Variants in WDFY4 observed in about 807,000 individuals in gnomAD.
The protein encoded by WDFY4 is WDFY family member 4, also known as WD repeat- and FYVE domain-containing protein 4.
Under a neutral mutation model 351.9 loss-of-function variants are expected in WDFY4, and 169 were observed. The observed-to-expected ratio is 0.48, with a 90% CI of 0.42 to 0.55. The LOEUF is 0.55. Among genes scored for constraint, WDFY4 ranks in the 20% least tolerant of loss-of-function variants. WDFY4 has a pLI of 0.00. For synonymous variants in WDFY4, 1,622 were observed against 1,574.6 expected, an observed-to-expected ratio of 1.03 and a Z score of -0.71; for missense variants, 3,803 against 3,935.6, an observed-to-expected ratio of 0.97 and a Z score of 0.90.
chr10:48,804,855 G>A (rs11101507), intron 25 of WDFY4: 46,413 of 907,746 alleles, frequency 0.051, 1,769 homozygotes, highest in East Asian at 0.32. Flanking sequence ...GGTTTGGGGC[G>A]GGCAGGAAGA....
intron 13 of WDFY4, among the ~76,000 whole-genome samples, chr10:48,764,425 T>C (rs2132542530): frequency 1.3e-5 from 2 of 152,356 alleles, no homozygotes; most frequent in Middle Eastern, 6.8e-3. Flanking sequence ...CTCAGTTCTT[T>C]TGGAGCTGAG....
Position 48,956,325 on chromosome 10 carries a change from C to T in WDFY4, c.7978-804C>T, listed in dbSNP as rs575856659. On this transcript the variant is annotated intron_variant, in intron 51 of 61. Coordinates refer to ENST00000325239, the MANE Select transcript of WDFY4 (RefSeq NM_001394531.1). ...GACATCATGTCCTTTGTGGACCAGCCTCCTGCCCCTTGAACCTGAAATTTC... is the reference window on the plus strand; with the variant it reads ...GACATCATGTCCTTTGTGGACCAGCTTCCTGCCCCTTGAACCTGAAATTTC... Among the ~76,000 whole-genome samples the T allele has an allele frequency of 7.9e-5, 12 of 152,264 alleles. No homozygotes were observed. In the East Asian group the frequency reaches 1.9e-3, roughly 25 times the overall value.
intron 12 of WDFY4, among the ~76,000 whole-genome samples, chr10:48,751,011 C>T (rs1237146641): frequency 6.6e-6 from 1 of 152,194 alleles, no homozygotes; most frequent in Non-Finnish European, 1.5e-5. Flanking sequence ...GACTCTCGTG[C>T]CTGGTGTCCT....
chr10:48,716,729 G>C (rs1461573676), intron 2 of WDFY4, among the ~76,000 whole-genome samples: 1 of 152,216 alleles, frequency 6.6e-6, no homozygotes, highest in African/African-American at 2.4e-5. Context: ...GCCTCCTGGA[G>C]TCCCACTGCT....
Position 48,760,408 on chromosome 10 carries a change from C to A in WDFY4, c.2521C>A (p.Leu841Met), listed in dbSNP as rs1371714740. ...GGTCGTGTGCATCATGGTGAGGCTG[C>A]TGCCTCGGTTGTACCATGAAGATCA... is the stretch of plus-strand genomic sequence containing the variant. ...PGVVCIMVRL[L>M]PRLYHEDHPQ... Residue 841 changes from leucine (L) to methionine (M), a missense_variant, in exon 13 of 62, where the codon CTG (leucine) becomes ATG (methionine). Transcript: ENST00000325239. 6.4e-7 allele frequency: 1 copy of A among 1,551,550 alleles called. No individual in the cohort carries two copies. The highest frequency in any genetic ancestry group is 8.7e-7 in the Non-Finnish European group (1 of 1,147,002).
chr10:48,951,329 C>G (rs927565950), intron 51 of WDFY4, among the ~76,000 whole-genome samples: 1 of 152,138 alleles, frequency 6.6e-6, no homozygotes, highest in African/African-American at 2.4e-5. Flanking sequence ...TCTGTTTTCC[C>G]CACTTTCTTG....
intron 30 of WDFY4, 77 bp downstream of exon 30, chr10:48,811,785 C>T (rs773821989): frequency 3.7e-5 from 53 of 1,422,954 alleles, no homozygotes; most frequent in Non-Finnish European, 4.8e-5. Context: ...CGCCAAGACC[C>T]TCTGCACTTA....
At chr10:48,798,886 T>A (rs1195952128) in intron 24 of WDFY4, among the ~76,000 whole-genome samples, 1 of 152,212 alleles carries the variant, frequency 6.6e-6, no homozygotes. Flanking sequence ...TGGTCCTGGA[T>A]CTGAAGCTGG....
At chr10:48,752,690 A>G (rs1421196651) in intron 12 of WDFY4, among the ~76,000 whole-genome samples, 1 of 152,256 alleles carries the variant, frequency 6.6e-6, no homozygotes, top group Non-Finnish European at 1.5e-5. Context: ...ATTCATTTAC[A>G]TTGTAACGTA....
Position 48,727,498 on chromosome 10 carries a change from G to C in WDFY4, c.810G>C (p.Gln270His), listed in dbSNP as rs1402783006. The C allele has an allele frequency of 4.5e-6, 7 of 1,551,612 alleles. No homozygotes were observed. In the African/African-American group the frequency reaches 6.8e-5, roughly 15 times the overall value. The change falls in exon 7 of 62, where the codon CAG (glutamine) becomes CAC (histidine). Residue 270 changes from glutamine (Q) to histidine (H), a missense_variant. By Grantham distance (24) the Gln-to-His change is conservative. Transcript: ENST00000325239. ...CAGACTGTGTCAGGCTCTCCCTCCA[G>C]AACCTCTCCAGGCTCACGGACACTC... ...QATDCVRLSL[Q>H]NLSRLTDTLP... is the part of the protein sequence containing the mutation.
intron 39 of WDFY4, among the ~76,000 whole-genome samples, chr10:48,862,194 A>G (rs1364199686): frequency 1.3e-5 from 2 of 152,164 alleles, no homozygotes; most frequent in Non-Finnish European, 1.5e-5. Flanking sequence ...TCCTTAACTC[A>G]GTTTGAGATT....
intron 52 of WDFY4, 88 bp from the exon 53 acceptor site, chr10:48,959,634 G>GCAATC (rs1218924872): frequency 8.3e-7 from 1 of 1,210,026 alleles, no homozygotes; most frequent in Non-Finnish European, 1.2e-6. Flanking sequence ...CACAAAATCA[G>GCAATC]CAATCCTGGG....
chr10:48,914,158 T>C, intron 47 of WDFY4: 1 of 1,610,752 alleles, frequency 6.2e-7, no homozygotes, highest in Non-Finnish European at 8.5e-7. Context: ...TTAACCATGT[T>C]CTTTTAGTAA....
intron 51 of WDFY4, among the ~76,000 whole-genome samples, chr10:48,953,392 G>A (rs181768969): frequency 1.4e-5 from 2 of 147,498 alleles, no homozygotes; most frequent in Non-Finnish European, 3.0e-5. Flanking sequence ...TATCATCCAG[G>A]GTTCATAGAC....
In WDFY4 at chr10:48,975,457, C is replaced by T. The variant is rs10508909; in HGVS notation, c.9108+416C>T. ...ACTGGCTAACAAAGACCAGGGAGAT[C>T]GACTTACCGGTGTGAAATTTCTTCC... On this transcript the variant is annotated intron_variant, in intron 58 of 61. Coordinates refer to ENST00000325239, the MANE Select transcript of WDFY4 (RefSeq NM_001394531.1). Among the ~76,000 whole-genome samples the T allele has an allele frequency of 2.6e-5, 4 of 152,182 alleles. No homozygotes were observed. In the East Asian group the frequency reaches 5.8e-4, roughly 22 times the overall value.
At chr10:48,780,214 G>A in intron 19 of WDFY4, 95 bp downstream of exon 19, 1 of 1,372,666 alleles carries the variant, frequency 7.3e-7, no homozygotes, top group Non-Finnish European at 9.9e-7. Context: ...TTTTGTTGTT[G>A]TTTGTTTGTT....
At chr10:48,977,138 G>T in intron 59 of WDFY4, 159 bp downstream of exon 59, 1 of 581,598 alleles carries the variant, frequency 1.7e-6, no homozygotes, top group Non-Finnish European at 2.6e-6. Flanking sequence ...GCTCTTTGCA[G>T]GGAAAAAGTA....
chr10:48,722,430 G>A (rs191907177), intron 4 of WDFY4, among the ~76,000 whole-genome samples: 1 of 152,308 alleles, frequency 6.6e-6, no homozygotes, highest in African/African-American at 2.4e-5. Flanking sequence ...GGAGGTCAAG[G>A]TTAACAAGGA....
rs1055558985 is a variant in WDFY4 at position 48,694,774 on chromosome 10, C to T, written c.-18+9773C>T. ...TTGCCAGACACTCACTCACGCTGCC[C>T]GGGGTGCCTGTCCACTTACTGCCAG... On this transcript the variant is annotated intron_variant, in intron 1 of 61. Transcript: ENST00000325239. Among the ~76,000 whole-genome samples, 6 of 152,144 alleles carry T rather than the reference C, an allele frequency of 3.9e-5. No individual in the cohort carries two copies. The East Asian group carries it at 5.8e-4, about 15-fold the overall frequency.
Sources: gnomAD v4.1 joint callset for allele counts (sites outside exome capture counted in the v4.1 genomes callset) on GRCh38, gnomAD v4.1.1 for gene constraint, MANE v1.5 for transcripts, NCBI Gene and HGNC (gene_info 2026-07-23, HGNC 2026-07-21) for gene names.